Variants in IQCM observed in about 807,000 individuals in gnomAD.
IQCM encodes IQ motif containing M.
In IQCM, 45 loss-of-function variants were observed where a neutral mutation model predicts 57.6. That is an observed-to-expected ratio of 0.78 (90% CI 0.62 to 1.00). The LOEUF (loss-of-function observed/expected upper bound fraction) is 1.00, where lower values mean the gene tolerates loss of function less well. IQCM is among the 50% of genes least tolerant of loss of function. The pLI is 0.00. For synonymous variants in IQCM, 148 were observed against 158.9 expected, an observed-to-expected ratio of 0.93 and a Z score of 0.51; for missense variants, 468 against 511.6, an observed-to-expected ratio of 0.91 and a Z score of 0.82.
chr4:149,404,562 A>G (rs750067358), intron 13 of IQCM, among the ~76,000 whole-genome samples: 8 of 152,106 alleles, frequency 5.3e-5, no homozygotes, highest in Non-Finnish European at 7.4e-5. Context: ...CTAGAAGACA[A>G]TATCAGAAAT....
chr4:149,649,023 C>T (rs1758914503), intron 7 of IQCM, among the ~76,000 whole-genome samples: 1 of 152,126 alleles, frequency 6.6e-6, no homozygotes, highest in Admixed American at 6.5e-5. Context: ...TGGAAATCAT[C>T]TTAAACTACA....
intron 5 of IQCM, among the ~76,000 whole-genome samples, chr4:149,709,145 A>G (rs928492758): frequency 1.3e-5 from 2 of 152,148 alleles, no homozygotes; most frequent in Admixed American, 1.3e-4. Context: ...CATAAGAAAC[A>G]CTAAACTCTA....
intron 13 of IQCM, among the ~76,000 whole-genome samples, chr4:149,372,468 T>A (rs547038807): frequency 6.6e-6 from 1 of 152,148 alleles, no homozygotes; most frequent in South Asian, 2.1e-4. Context: ...CTAAGAAACC[T>A]GTAGGGTAGC....
chr4:149,764,139 G>A (rs1769806617), intron 2 of IQCM, among the ~76,000 whole-genome samples: 1 of 152,098 alleles, frequency 6.6e-6, no homozygotes, highest in South Asian at 2.1e-4. Context: ...GCTTGGATAT[G>A]CTGAGAGATC....
At chr4:149,533,026 G>C (rs1279826223) in intron 12 of IQCM, among the ~76,000 whole-genome samples, 1 of 152,084 alleles carries the variant, frequency 6.6e-6, no homozygotes. Context: ...GCTGAGACAT[G>C]AGTCAAACTC....
At chr4:149,728,246 G>A (rs1580140076) in intron 5 of IQCM, among the ~76,000 whole-genome samples, 1 of 152,184 alleles carries the variant, frequency 6.6e-6, no homozygotes, top group African/African-American at 2.4e-5. Flanking sequence ...CACTCTTTGA[G>A]TAATTCCTAT....
chr4:149,624,574 C>T (rs1190012248), intron 7 of IQCM, among the ~76,000 whole-genome samples: 2 of 151,938 alleles, frequency 1.3e-5, no homozygotes, highest in Non-Finnish European at 2.9e-5. Flanking sequence ...GTGATAATGT[C>T]AGGGAATGAG....
At chr4:149,747,740 G>A (rs1346819071) in intron 2 of IQCM, among the ~76,000 whole-genome samples, 1 of 152,178 alleles carries the variant, frequency 6.6e-6, no homozygotes, top group Non-Finnish European at 1.5e-5. Context: ...GGCTAGCTAG[G>A]AACGCAGGGA....
intron 5 of IQCM, among the ~76,000 whole-genome samples, chr4:149,713,818 A>G (rs1463161308): frequency 6.6e-6 from 1 of 152,192 alleles, no homozygotes. Context: ...TCTTATAGAT[A>G]CTGTTCCAGC....
intron 12 of IQCM, among the ~76,000 whole-genome samples, chr4:149,528,109 C>T (rs1746354709): frequency 6.6e-6 from 1 of 151,950 alleles, no homozygotes; most frequent in Admixed American, 6.6e-5. Flanking sequence ...CCGCAGCCTC[C>T]TGAGTAGCTG....
intron 13 of IQCM, among the ~76,000 whole-genome samples, chr4:149,377,623 CT>C (rs1730785479): frequency 6.6e-6 from 1 of 152,118 alleles, no homozygotes; most frequent in African/African-American, 2.4e-5. Context: ...GTCTGAATAT[CT>C]CCCTAAGCTC....
intron 5 of IQCM, among the ~76,000 whole-genome samples, chr4:149,713,616 CT>C (rs773346048): frequency 5.3e-5 from 8 of 152,128 alleles, no homozygotes; most frequent in African/African-American, 1.4e-4. Flanking sequence ...CTTTCAGCTG[CT>C]TTTTTTGCTT....
chr4:149,735,116 T>C (rs1465309135), intron 4 of IQCM, among the ~76,000 whole-genome samples: 4 of 152,164 alleles, frequency 2.6e-5, no homozygotes, highest in Non-Finnish European at 5.9e-5. Flanking sequence ...GTTAAAATTC[T>C]TCAAAAAAAA....
intron 9 of IQCM, among the ~76,000 whole-genome samples, chr4:149,580,710 ACT>A (rs1037146805): frequency 5.3e-5 from 8 of 151,670 alleles, no homozygotes; most frequent in African/African-American, 1.7e-4. Flanking sequence ...GGATGGGAAA[ACT>A]AACACGTAAT....
chr4:149,568,491 A>T (rs565207248), intron 9 of IQCM, among the ~76,000 whole-genome samples: 1 of 152,292 alleles, frequency 6.6e-6, no homozygotes, highest in African/African-American at 2.4e-5. Flanking sequence ...TATAACAAAT[A>T]AAATATTAAT....
intron 7 of IQCM, among the ~76,000 whole-genome samples, chr4:149,646,825 A>G (rs1446363180): frequency 6.6e-6 from 1 of 152,126 alleles, no homozygotes; most frequent in Non-Finnish European, 1.5e-5. Context: ...CTCTACCAAA[A>G]ATACAAAAAT....
chr4:149,665,562 T>A (rs1432359388), intron 7 of IQCM, among the ~76,000 whole-genome samples: 1 of 152,158 alleles, frequency 6.6e-6, no homozygotes, highest in Non-Finnish European at 1.5e-5. Flanking sequence ...TATACTTGTT[T>A]ATTTGTTGTT....
chr4:149,441,454 G>A (rs918625571), intron 12 of IQCM, among the ~76,000 whole-genome samples: 7 of 152,092 alleles, frequency 4.6e-5, no homozygotes, highest in African/African-American at 1.2e-4. Context: ...ACCCAGCTGG[G>A]CAAACTTGAG....
At chr4:149,471,489 TA>T (rs1560882201) in intron 12 of IQCM, among the ~76,000 whole-genome samples, 1 of 151,988 alleles carries the variant, frequency 6.6e-6, no homozygotes, top group African/African-American at 2.4e-5. Flanking sequence ...GCCTAGCAAC[TA>T]AAAAAAGTCC....
Sources: gnomAD v4.1 joint callset for allele counts (sites outside exome capture counted in the v4.1 genomes callset) on GRCh38, gnomAD v4.1.1 for gene constraint, MANE v1.5 for transcripts, NCBI Gene and HGNC (gene_info 2026-07-23, HGNC 2026-07-21) for gene names.